The following METTL6 variants were observed in gnomAD, a reference collection of about 807,000 sequenced individuals.
METTL6 encodes the protein methyltransferase 6, tRNA N3-cytidine.
In METTL6, 22 loss-of-function variants were observed where a neutral mutation model predicts 26.4. The observed-to-expected ratio is 0.83, with a 90% CI of 0.59 to 1.19. The LOEUF is 1.19. METTL6 is among the 50% of genes most tolerant of loss of function. The pLI is 0.00. For missense variants in METTL6, 304 were observed against 324.8 expected (o/e 0.94, Z 0.49); for synonymous variants, 109 against 116.2 (o/e 0.94, Z 0.40).
downstream of METTL6, among the ~76,000 whole-genome samples, chr3:15,407,454 T>G (rs1397757339): frequency 6.6e-6 from 1 of 152,304 alleles, no homozygotes; most frequent in East Asian, 1.9e-4. Context: ...CATTCACAGG[T>G]ATATGCCCAG....
chr3:15,412,780 T>A (rs1700027448), intron 5 of METTL6, among the ~76,000 whole-genome samples: 1 of 152,102 alleles, frequency 6.6e-6, no homozygotes, highest in South Asian at 2.1e-4. Flanking sequence ...TAGTAATCAC[T>A]CAATTTTAAT....
At chr3:15,390,698 G>A (rs1699320631) in intron 6 of METTL6, among the ~76,000 whole-genome samples, 3 of 152,194 alleles carry the variant, frequency 2.0e-5, no homozygotes, top group Admixed American at 6.5e-5. Flanking sequence ...AACCAATGCT[G>A]TTTCAGCTCT....
chr3:15,395,380 A>G (rs1699458943), intron 6 of METTL6, among the ~76,000 whole-genome samples: 1 of 151,942 alleles, frequency 6.6e-6, no homozygotes. Context: ...CTTTACTTTG[A>G]GCCTATGTGC....
At chr3:15,415,176 T>C (rs1346606540) in intron 4 of METTL6, among the ~76,000 whole-genome samples, 3 of 152,250 alleles carry the variant, frequency 2.0e-5, no homozygotes, top group Non-Finnish European at 4.4e-5. Context: ...ACGGTGCTAA[T>C]GACTGATACA....
chr3:15,398,863 G>A (rs1456737441), intron 6 of METTL6, among the ~76,000 whole-genome samples: 1 of 152,076 alleles, frequency 6.6e-6, no homozygotes, highest in Non-Finnish European at 1.5e-5. Context: ...GGTAAAATAA[G>A]GCCAAGACCT....
intron 6 of METTL6, among the ~76,000 whole-genome samples, chr3:15,395,415 C>T (rs1699460114): frequency 6.6e-6 from 1 of 152,176 alleles, no homozygotes; most frequent in African/African-American, 2.4e-5. Flanking sequence ...GATGGGTTTC[C>T]TGAATACAGC....
intron 3 of METTL6, among the ~76,000 whole-genome samples, chr3:15,418,183 CAT>C (rs1276352812): frequency 6.6e-6 from 1 of 152,114 alleles, no homozygotes; most frequent in South Asian, 2.1e-4. Flanking sequence ...AGGCAAAAAA[CAT>C]AGTGTGAAGA....
chr3:15,412,709 C>T (rs551424937), intron 5 of METTL6, among the ~76,000 whole-genome samples: 2 of 151,868 alleles, frequency 1.3e-5, no homozygotes, highest in Admixed American at 1.3e-4. Context: ...AGGCTGGTCT[C>T]GAACTCCTGA....
At chr3:15,418,599 G>A (rs2061542785) in intron 3 of METTL6, among the ~76,000 whole-genome samples, 1 of 152,182 alleles carries the variant, frequency 6.6e-6, no homozygotes, top group African/African-American at 2.4e-5. Flanking sequence ...CCCAGAGGGA[G>A]AAGAGAGAAC....
intron 3 of METTL6, among the ~76,000 whole-genome samples, chr3:15,423,001 G>A (rs1464877390): frequency 6.6e-6 from 1 of 152,172 alleles, no homozygotes; most frequent in Non-Finnish European, 1.5e-5. Flanking sequence ...TAAACAATTA[G>A]ACCAATTTGG....
chr3:15,402,068 C>G (rs900756012), intron 6 of METTL6, among the ~76,000 whole-genome samples: 1 of 152,164 alleles, frequency 6.6e-6, no homozygotes, highest in Non-Finnish European at 1.5e-5. Context: ...TCCAGTAACA[C>G]AATGGGTTCA....
At chr3:15,415,359 G>T in intron 4 of METTL6, 1 of 751,162 alleles carries the variant, frequency 1.3e-6, no homozygotes, top group Non-Finnish European at 2.2e-6. Context: ...GTCTTGCTAT[G>T]TTGGCCAGGC....
intron 3 of METTL6, among the ~76,000 whole-genome samples, chr3:15,421,198 T>C (rs1437411888): frequency 6.6e-6 from 1 of 152,226 alleles, no homozygotes; most frequent in Non-Finnish European, 1.5e-5. Context: ...ACAGAGTTTA[T>C]TATTTTGCAA....
At position 15,404,571 on chromosome 3, in the gene METTL6, G is replaced by A. The variant is rs1486401458; in HGVS notation, c.*11+6674C>T. ...TCACCATGTTGGCTAGGCTGGTCTC[G>A]AACTCCTGACTTCAGGTGATCCGCC... On this transcript the variant is annotated intron_variant, in intron 6 of 6. Transcript: ENST00000443029. Among the ~76,000 whole-genome samples, 4 of 148,074 alleles carry A rather than the reference G, an allele frequency of 2.7e-5. 1 individual carries two copies. The South Asian group carries it at 6.4e-4, about 24-fold the overall frequency.
rs1036423501 is a variant in METTL6 at position 15,409,909 on chromosome 3, T to C, written c.*1347A>G. ...CACTCCTTTAGGCTAGAAATATATA[T>C]GAGTGTCTTATTTTAGTCTACTTGG... On this transcript the variant is annotated 3_prime_UTR_variant, in exon 6 of 6. Coordinates refer to ENST00000383790, the MANE Select transcript of METTL6 (RefSeq NM_152396.4). Among the ~76,000 whole-genome samples, 1 of 152,194 alleles carries C rather than the reference T, an allele frequency of 6.6e-6. No individual in the cohort carries two copies. Among genetic ancestry groups the C allele is most frequent in the South Asian group, 2.1e-4 (1 of 4,834 alleles).
At chr3:15,408,598 C>T (rs562080955), downstream of METTL6, among the ~76,000 whole-genome samples, 2 of 120,446 alleles carry the variant, frequency 1.7e-5, no homozygotes, top group Admixed American at 9.9e-5. Context: ...CACGGGGTCT[C>T]GCTCTGCACC....
rs1383300414 is a variant in METTL6, at chr3:15,394,368, T to C, written c.*12-10181A>G. Among the ~76,000 whole-genome samples, 3 of 152,200 alleles carry C rather than the reference T, an allele frequency of 2.0e-5. 1 individual carries two copies. Among genetic ancestry groups the C allele is most frequent in the African/African-American group, 7.2e-5 (3 of 41,450 alleles). ...ATCCCCTTTATCATTTTTTATTGCA[T>C]CTATTTGATTCTTCTCTCTTTTCTA... On this transcript the variant is annotated intron_variant, in intron 6 of 6. Coordinates refer to the METTL6 transcript ENST00000443029.
intron 6 of METTL6, among the ~76,000 whole-genome samples, chr3:15,401,070 C>T (rs1180564010): frequency 1.3e-5 from 2 of 151,544 alleles, no homozygotes; most frequent in Admixed American, 1.3e-4. Flanking sequence ...GATGGAGTCT[C>T]ACTCTGTCGC....
chr3:15,387,710 T>C (rs983247754), intron 6 of METTL6, among the ~76,000 whole-genome samples: 1 of 151,986 alleles, frequency 6.6e-6, no homozygotes, highest in Admixed American at 6.6e-5. Flanking sequence ...AGTGAGGAGA[T>C]GGGGAATATA....
Sources: gnomAD v4.1 joint callset for allele counts (sites outside exome capture counted in the v4.1 genomes callset) on GRCh38, gnomAD v4.1.1 for gene constraint, MANE v1.5 for transcripts, NCBI Gene and HGNC (gene_info 2026-07-23, HGNC 2026-07-21) for gene names.